The following MRPS31 variants were observed in gnomAD, a reference collection of about 807,000 sequenced individuals.
MRPS31 encodes mitochondrial ribosomal protein S31.
Under a neutral mutation model 43.1 loss-of-function variants are expected in MRPS31, and 32 were observed. The ratio of observed to expected loss-of-function variants is 0.74; its 90% CI spans 0.56 to 1.00. MRPS31 has a LOEUF of 1.00. Ranked by LOEUF, MRPS31 falls within the 50% of genes least tolerant of loss-of-function variation. The probability of loss-of-function intolerance (pLI) is 0.00; values close to 1 mark genes in which losing one functional copy is unlikely to be tolerated. For missense variants in MRPS31, 437 were observed against 466.7 expected (o/e 0.94, Z 0.59); for synonymous variants, 165 against 161.6 (o/e 1.02, Z -0.16).
Position 40,735,044 on chromosome 13 carries a change from G to A in MRPS31, c.959-5443C>T, listed in dbSNP as rs184032568. Reference sequence around the variant, plus strand: ...TACCGGGTTCATCTCACTAGGGAGTGCCAGACAGTGGGCGCAGGTCAGTGG... The same window carrying A: ...TACCGGGTTCATCTCACTAGGGAGTACCAGACAGTGGGCGCAGGTCAGTGG... On this transcript the variant is annotated intron_variant, in intron 6 of 6. Coordinates refer to ENST00000323563, the MANE Select transcript of MRPS31 (RefSeq NM_005830.4). 5.0e-3 allele frequency among the ~76,000 whole-genome samples: 760 copies of A among 152,348 alleles called. 6 individuals are homozygous for A. Among genetic ancestry groups the A allele is most frequent in the Non-Finnish European group, 5.9e-3 (399 of 68,032 alleles).
chr13:40,731,314 G>A, intron 6 of MRPS31: 1 of 155,854 alleles, frequency 6.4e-6, no homozygotes, highest in African/African-American at 2.4e-5. Flanking sequence ...GCTCATGCCT[G>A]TAATCCCAAC....
intron 6 of MRPS31, among the ~76,000 whole-genome samples, chr13:40,741,698 G>A (rs1463516027): frequency 6.6e-6 from 1 of 152,072 alleles, no homozygotes; most frequent in African/African-American, 2.4e-5. Flanking sequence ...ATTCTGAATT[G>A]TACTCAAACA....
intron 2 of MRPS31, among the ~76,000 whole-genome samples, chr13:40,763,684 C>T (rs1880764736): frequency 6.6e-6 from 1 of 152,168 alleles, no homozygotes; most frequent in Non-Finnish European, 1.5e-5. Context: ...TGCCATATAT[C>T]CATCAAAAGG....
chr13:40,748,949 C>T (rs1446391955), intron 6 of MRPS31, among the ~76,000 whole-genome samples, 189 bp downstream of exon 6: 2 of 152,012 alleles, frequency 1.3e-5, no homozygotes, highest in Admixed American at 6.6e-5. Context: ...TTTTCCTTAT[C>T]GAATATCTAA....
At chr13:40,764,094 T>C (rs1175292267) in intron 2 of MRPS31, among the ~76,000 whole-genome samples, 1 of 152,004 alleles carries the variant, frequency 6.6e-6, no homozygotes, top group Non-Finnish European at 1.5e-5. Context: ...CACAGGAAAA[T>C]ACAACCATGT....
intron 6 of MRPS31, among the ~76,000 whole-genome samples, chr13:40,736,422 T>C (rs1013477072): frequency 6.7e-5 from 10 of 148,182 alleles, no homozygotes; most frequent in South Asian, 2.2e-4. Flanking sequence ...ATTCAGGAAA[T>C]ACAGAGAACG....
intron 6 of MRPS31, among the ~76,000 whole-genome samples, chr13:40,737,723 T>A (rs530508198): frequency 6.6e-6 from 1 of 152,076 alleles, no homozygotes; most frequent in Non-Finnish European, 1.5e-5. Context: ...GAAATAAAGA[T>A]GTTCTTTGAA....
chr13:40,753,784 C>G (rs1314000974), intron 5 of MRPS31, among the ~76,000 whole-genome samples: 1 of 152,208 alleles, frequency 6.6e-6, no homozygotes, highest in Non-Finnish European at 1.5e-5. Flanking sequence ...CTAGTAAACT[C>G]ATCTATTCAT....
chr13:40,739,725 G>T (rs57405614), intron 6 of MRPS31, among the ~76,000 whole-genome samples: 4,763 of 147,534 alleles, frequency 0.032, 164 homozygotes, highest in East Asian at 0.1. Flanking sequence ...CTGGGAAAAC[G>T]GGCTAGCCAT....
chr13:40,732,994 GTTTTTT>G (rs1159862645), intron 6 of MRPS31, among the ~76,000 whole-genome samples: 9 of 84,538 alleles, frequency 1.1e-4, no homozygotes, highest in South Asian at 5.3e-4. Flanking sequence ...AATGCATTTG[GTTTTTT>G]TTTTTTTTTT....
In MRPS31 at chr13:40,753,443, C is replaced by T. The variant is rs541519181; in HGVS notation, c.814+576G>A. Among the ~76,000 whole-genome samples, 4 of 152,304 alleles carry T rather than the reference C, an allele frequency of 2.6e-5. No homozygotes were observed. The South Asian group carries it at 8.3e-4, about 32-fold the overall frequency. On this transcript the variant is annotated intron_variant, in intron 5 of 6. Coordinates refer to ENST00000323563, the MANE Select transcript of MRPS31 (RefSeq NM_005830.4). Reference sequence around the variant, plus strand: ...TCGGTAATCGGTAGTACTTACCTCCCGCTGTCTCACAGAATGCAACATTTC... The same window carrying T: ...TCGGTAATCGGTAGTACTTACCTCCTGCTGTCTCACAGAATGCAACATTTC...
intron 2 of MRPS31, among the ~76,000 whole-genome samples, chr13:40,760,308 A>G (rs1247389428): frequency 6.6e-6 from 1 of 152,096 alleles, no homozygotes; most frequent in African/African-American, 2.4e-5. Context: ...TGTGGGTCAC[A>G]GGGACTTACC....
At chr13:40,746,001 A>T (rs1415118406) in intron 6 of MRPS31, among the ~76,000 whole-genome samples, 2 of 152,236 alleles carry the variant, frequency 1.3e-5, no homozygotes, top group East Asian at 3.8e-4. Flanking sequence ...CGGAAACAGA[A>T]AAAAAGCTAT....
At chr13:40,769,261 A>G (rs1190496828) in intron 1 of MRPS31, among the ~76,000 whole-genome samples, 1 of 150,968 alleles carries the variant, frequency 6.6e-6, no homozygotes, top group Non-Finnish European at 1.5e-5. Context: ...CTGTAGTCCC[A>G]GCTACTTGGG....
chr13:40,758,867 ATG>A, intron 3 of MRPS31, 79 bp downstream of exon 3: 6 of 1,242,974 alleles, frequency 4.8e-6, no homozygotes, highest in Non-Finnish European at 6.3e-6. Flanking sequence ...GGTATATATT[ATG>A]TGTATTACTC....
intron 6 of MRPS31, among the ~76,000 whole-genome samples, chr13:40,732,077 G>A (rs544502518): frequency 6.6e-6 from 1 of 152,332 alleles, no homozygotes; most frequent in East Asian, 1.9e-4. Flanking sequence ...ACCTCTATTT[G>A]CTAAAGACAT....
At chr13:40,753,382 C>A (rs926991234) in intron 5 of MRPS31, among the ~76,000 whole-genome samples, 1 of 152,324 alleles carries the variant, frequency 6.6e-6, no homozygotes, top group South Asian at 2.1e-4. Flanking sequence ...TATTATTGTT[C>A]TAACTCAAAT....
intron 2 of MRPS31, among the ~76,000 whole-genome samples, chr13:40,764,056 A>C (rs1880774422): frequency 6.6e-6 from 1 of 152,206 alleles, no homozygotes; most frequent in Admixed American, 6.5e-5. Flanking sequence ...CTGGCTCCCA[A>C]ACTGTGTCCT....
chr13:40,744,593 G>A (rs112899280), intron 6 of MRPS31, among the ~76,000 whole-genome samples: 2 of 152,052 alleles, frequency 1.3e-5, no homozygotes, highest in Non-Finnish European at 2.9e-5. Flanking sequence ...ATAGAGTCGC[G>A]CTCTGTAGCC....
Sources: gnomAD v4.1 joint callset for allele counts (sites outside exome capture counted in the v4.1 genomes callset) on GRCh38, gnomAD v4.1.1 for gene constraint, MANE v1.5 for transcripts, NCBI Gene and HGNC (gene_info 2026-07-23, HGNC 2026-07-21) for gene names.